S100PBP: variants seen among roughly 807,000 people sequenced by gnomAD.
The protein encoded by S100PBP is S100P-binding protein.
S100PBP carries 15 observed loss-of-function variants against 39.9 expected under a neutral mutation model. The ratio of observed to expected loss-of-function variants is 0.38; its 90% confidence interval spans 0.25 to 0.58. The LOEUF (loss-of-function observed/expected upper bound fraction) is 0.58, where lower values mean the gene tolerates loss of function less well. Among genes scored for constraint, S100PBP ranks in the 20% least tolerant of loss-of-function variants. The probability of loss-of-function intolerance (pLI) is 0.70; values close to 1 mark genes in which losing one functional copy is unlikely to be tolerated. For synonymous variants in S100PBP, 178 were observed against 180.3 expected, an observed-to-expected ratio of 0.99 and a Z score of 0.10; for missense variants, 504 against 487.3, an observed-to-expected ratio of 1.03 and a Z score of -0.32.
intron 1 of S100PBP, among the ~76,000 whole-genome samples, chr1:32,819,479 G>C (rs1026328816): frequency 6.6e-6 from 1 of 152,156 alleles, no homozygotes; most frequent in Admixed American, 6.5e-5. Flanking sequence ...CATGAGAATC[G>C]CTTGAAACTG....
chr1:32,818,983 A>C (rs1450810221), intron 1 of S100PBP: 1 of 152,222 alleles, frequency 6.6e-6, no homozygotes, highest in African/African-American at 2.4e-5. Flanking sequence ...AGCTTGAAAG[A>C]GGATGTGGGC....
intron 1 of S100PBP, among the ~76,000 whole-genome samples, chr1:32,819,479 G>A (rs1026328816): frequency 3.3e-5 from 5 of 152,156 alleles, no homozygotes; most frequent in African/African-American, 4.8e-5. Flanking sequence ...CATGAGAATC[G>A]CTTGAAACTG....
At chr1:32,838,699 C>T (rs1351926651) in intron 5 of S100PBP, among the ~76,000 whole-genome samples, 1 of 151,946 alleles carries the variant, frequency 6.6e-6, no homozygotes, top group Non-Finnish European at 1.5e-5. Flanking sequence ...AAAAATTAAC[C>T]AGGCGTGGTG....
intron 5 of S100PBP, among the ~76,000 whole-genome samples, chr1:32,849,309 G>A (rs2148689961): frequency 6.6e-6 from 1 of 152,122 alleles, no homozygotes; most frequent in South Asian, 2.1e-4. Flanking sequence ...CCACACCCGG[G>A]TACTTTTTGT....
At chr1:32,825,978 T>TA (rs772116132) in intron 2 of S100PBP, 120 bp from the exon 3 acceptor site, 175 of 677,094 alleles carry the variant, frequency 2.6e-4, no homozygotes, top group Non-Finnish European at 3.8e-4. Flanking sequence ...AATTATTTCT[T>TA]ATGCTACAAG....
intron 5 of S100PBP, among the ~76,000 whole-genome samples, chr1:32,840,846 T>C (rs1322392967): frequency 1.3e-5 from 2 of 152,094 alleles, no homozygotes; most frequent in Admixed American, 1.3e-4. Flanking sequence ...TGGTGAAGTA[T>C]TTTTTGCTCA....
intron 5 of S100PBP, among the ~76,000 whole-genome samples, chr1:32,851,795 A>G (rs1277719964): frequency 6.6e-6 from 1 of 152,236 alleles, no homozygotes; most frequent in Non-Finnish European, 1.5e-5. Context: ...CTGATTATGT[A>G]TAATCAGAAA....
At chr1:32,832,613 G>T (rs913497950) in intron 5 of S100PBP, among the ~76,000 whole-genome samples, 1 of 151,784 alleles carries the variant, frequency 6.6e-6, no homozygotes, top group Non-Finnish European at 1.5e-5. Context: ...CATAAGATTT[G>T]TATATACCTT....
At chr1:32,850,391 G>A (rs1640561627) in intron 5 of S100PBP, among the ~76,000 whole-genome samples, 6 of 152,182 alleles carry the variant, frequency 3.9e-5, no homozygotes, top group Admixed American at 3.3e-4. Flanking sequence ...GAGTGCTAGC[G>A]AGGTGAAAGT....
At chr1:32,841,678 G>A (rs145906401) in intron 5 of S100PBP, among the ~76,000 whole-genome samples, 263 of 143,960 alleles carry the variant, frequency 1.8e-3, no homozygotes, top group African/African-American at 6.5e-3. Flanking sequence ...GCTGTGGGCC[G>A]AGATAGCACC....
intron 4 of S100PBP, among the ~76,000 whole-genome samples, chr1:32,829,157 G>A (rs1164059430): frequency 6.6e-6 from 1 of 152,062 alleles, no homozygotes; most frequent in East Asian, 1.9e-4. Context: ...CACAACTCAG[G>A]CTACTTGGGA....
chr1:32,843,044 T>C (rs1180425465), intron 5 of S100PBP: 1 of 152,214 alleles, frequency 6.6e-6, no homozygotes, highest in Non-Finnish European at 1.5e-5. Flanking sequence ...TAAAATGATT[T>C]AGTTTTTAAA....
chr1:32,841,172 A>T (rs903273129), intron 5 of S100PBP, among the ~76,000 whole-genome samples: 3 of 151,782 alleles, frequency 2.0e-5, no homozygotes, highest in Admixed American at 1.3e-4. Flanking sequence ...AAAAAAAAAA[A>T]AATAAAAAAA....
chr1:32,843,461 AT>A (rs968094051), intron 5 of S100PBP, among the ~76,000 whole-genome samples: 156 of 144,406 alleles, frequency 1.1e-3, no homozygotes, highest in Middle Eastern at 7.0e-3. Flanking sequence ...CACCCGGCTA[AT>A]TTTTTTTTTT....
chr1:32,853,007 A>G, intron 5 of S100PBP, 72 bp from the exon 6 acceptor site: 1 of 1,028,108 alleles, frequency 9.7e-7, no homozygotes, highest in Middle Eastern at 2.1e-4. Flanking sequence ...CTTTCCCTGA[A>G]AACACATACT....
intron 5 of S100PBP, chr1:32,842,942 A>C (rs1640186991): frequency 6.6e-6 from 1 of 152,196 alleles, no homozygotes; most frequent in African/African-American, 2.4e-5. Flanking sequence ...AGTCTTCTCT[A>C]ATTTCCTTCA....
At chr1:32,831,079 CAA>C in intron 5 of S100PBP, among the ~76,000 whole-genome samples, 1 of 145,018 alleles carries the variant, frequency 6.9e-6, no homozygotes, top group Non-Finnish European at 1.5e-5. Context: ...GACTCTGTCT[CAA>C]AAAAAAAAAA....
intron 5 of S100PBP, among the ~76,000 whole-genome samples, chr1:32,849,944 T>C (rs569059165): frequency 6.6e-6 from 1 of 152,242 alleles, no homozygotes; most frequent in African/African-American, 2.4e-5. Context: ...AATAAATGAG[T>C]TGATATATAT....
At chr1:32,827,523 C>T (rs1422242430) in intron 3 of S100PBP, among the ~76,000 whole-genome samples, 1 of 151,980 alleles carries the variant, frequency 6.6e-6, no homozygotes, top group Non-Finnish European at 1.5e-5. Context: ...TTACTCTGTC[C>T]CTCAGGCTGC....
Sources: gnomAD v4.1 joint callset for allele counts (sites outside exome capture counted in the v4.1 genomes callset) on GRCh38, gnomAD v4.1.1 for gene constraint, MANE v1.5 for transcripts, NCBI Gene and HGNC (gene_info 2026-07-23, HGNC 2026-07-21) for gene names.